SEMA6A: variants seen among roughly 807,000 people sequenced by gnomAD.
SEMA6A encodes semaphorin 6A.
A neutral mutation model predicts 96.8 loss-of-function variants in SEMA6A; 25 were observed. The ratio of observed to expected loss-of-function variants is 0.26; its 90% CI spans 0.19 to 0.36. SEMA6A has a LOEUF of 0.36. SEMA6A is among the 10% of genes least tolerant of loss of function. SEMA6A has a pLI of 1.00. For missense variants in SEMA6A, 1,363 were observed against 1,323.1 expected, an observed-to-expected ratio of 1.03 and a Z score of -0.47; for synonymous variants, 612 against 518.0, an observed-to-expected ratio of 1.18 and a Z score of -2.46.
intron 3 of SEMA6A, among the ~76,000 whole-genome samples, chr5:116,500,107 T>C (rs1383526185): frequency 6.6e-6 from 1 of 152,240 alleles, no homozygotes; most frequent in Non-Finnish European, 1.5e-5. Context: ...AAATGACATC[T>C]AAGAAGGAGC....
chr5:116,500,270 A>AG (rs1461386177), intron 3 of SEMA6A, among the ~76,000 whole-genome samples: 1 of 152,200 alleles, frequency 6.6e-6, no homozygotes, highest in Non-Finnish European at 1.5e-5. Context: ...AGCATAGTAC[A>AG]GGGAATGACA....
intron 1 of SEMA6A, among the ~76,000 whole-genome samples, chr5:116,538,188 A>G (rs1341401713): frequency 2.2e-5 from 3 of 137,434 alleles, no homozygotes; most frequent in Non-Finnish European, 3.0e-5. Context: ...ACAAAGCAAA[A>G]CAAAACAAAA....
At position 116,509,883 on chromosome 5, in the gene SEMA6A, A is replaced by G. The variant is rs146511068; in HGVS notation, c.-38-4901T>C. On this transcript the variant is annotated intron_variant, in intron 1 of 18. Coordinates refer to ENST00000343348, the MANE Select transcript of SEMA6A (RefSeq NM_020796.5). ...ACAGAGGGCAGGCAGAGAAAGTTCTATGCAGTGGGGCAAGTGACCTTTCCA... is the reference window on the plus strand; with the variant it reads ...ACAGAGGGCAGGCAGAGAAAGTTCTGTGCAGTGGGGCAAGTGACCTTTCCA... Among the ~76,000 whole-genome samples, 535 of 152,262 alleles carry G rather than the reference A, an allele frequency of 3.5e-3. 4 individuals are homozygous for G. Among genetic ancestry groups the G allele is most frequent in the African/African-American group, 0.012 (514 of 41,552 alleles).
At chr5:116,494,939 C>T (rs369052656) in intron 6 of SEMA6A, among the ~76,000 whole-genome samples, 1 of 122,870 alleles carries the variant, frequency 8.1e-6, no homozygotes, top group East Asian at 3.8e-4. Flanking sequence ...TAAGCAAGGC[C>T]GTGGTCAAGA....
intron 1 of SEMA6A, among the ~76,000 whole-genome samples, chr5:116,513,167 G>A (rs1056089713): frequency 2.0e-5 from 3 of 151,212 alleles, no homozygotes; most frequent in Non-Finnish European, 2.9e-5. Flanking sequence ...CGCTCTTGTT[G>A]TCCAGCCTGG....
At chr5:116,496,731 TTAAACA>T (rs1757620805) in intron 4 of SEMA6A, among the ~76,000 whole-genome samples, 1 of 152,252 alleles carries the variant, frequency 6.6e-6, no homozygotes, top group African/African-American at 2.4e-5. Context: ...AGTCATTTTC[TTAAACA>T]TAAAGAGGAC....
At chr5:116,478,318 A>T (rs1756569842) in intron 13 of SEMA6A, 164 bp from the exon 14 acceptor site, 1 of 793,932 alleles carries the variant, frequency 1.3e-6, no homozygotes, top group Non-Finnish European at 2.0e-6. Context: ...ACACATGTAT[A>T]TGTATCTATA....
At chr5:116,503,833 T>G (rs1023967761) in intron 2 of SEMA6A, among the ~76,000 whole-genome samples, 4 of 152,124 alleles carry the variant, frequency 2.6e-5, no homozygotes, top group African/African-American at 9.7e-5. Context: ...CCTTCTATAC[T>G]CGGGCATCCA....
At chr5:116,510,762 G>A (rs1175802076) in intron 1 of SEMA6A, among the ~76,000 whole-genome samples, 1 of 152,006 alleles carries the variant, frequency 6.6e-6, no homozygotes, top group Non-Finnish European at 1.5e-5. Flanking sequence ...TCTGGAGGTG[G>A]TCACTTGGAG....
chr5:116,466,891 G>T (rs926164208), intron 18 of SEMA6A, among the ~76,000 whole-genome samples: 2 of 152,128 alleles, frequency 1.3e-5, no homozygotes, highest in African/African-American at 4.8e-5. Flanking sequence ...GCAGCAAATG[G>T]CAAGAAAAGA....
At chr5:116,469,282 T>G (rs1755958365) in intron 17 of SEMA6A, 1 of 152,212 alleles carries the variant, frequency 6.6e-6, no homozygotes, top group South Asian at 2.1e-4. Context: ...CATTTAAAAT[T>G]CAAGGAATGC....
chr5:116,483,584 TAGG>T (rs1756899744), intron 10 of SEMA6A, among the ~76,000 whole-genome samples: 1 of 152,182 alleles, frequency 6.6e-6, no homozygotes, highest in Non-Finnish European at 1.5e-5. Flanking sequence ...CATAAATGAT[TAGG>T]AGAATTTATT....
chr5:116,524,263 A>G (rs562725832), intron 1 of SEMA6A, among the ~76,000 whole-genome samples: 12 of 152,210 alleles, frequency 7.9e-5, no homozygotes, highest in Non-Finnish European at 1.2e-4. Context: ...GCCTTATCAA[A>G]CCCACTTTTC....
At chr5:116,480,375 A>T in intron 11 of SEMA6A, 98 bp from the exon 12 acceptor site, 1 of 1,408,236 alleles carries the variant, frequency 7.1e-7, no homozygotes, top group Non-Finnish European at 9.8e-7. Flanking sequence ...GGAATGGAGG[A>T]GAATGTACTG....
At chr5:116,462,060 C>T (rs1002437561) in intron 18 of SEMA6A, among the ~76,000 whole-genome samples, 2 of 152,136 alleles carry the variant, frequency 1.3e-5, no homozygotes, top group Non-Finnish European at 2.9e-5. Flanking sequence ...ATAATTTTCT[C>T]TGTCCATAAA....
intron 1 of SEMA6A, among the ~76,000 whole-genome samples, chr5:116,567,840 C>A (rs1352657865): frequency 2.0e-5 from 3 of 152,164 alleles, no homozygotes; most frequent in African/African-American, 7.2e-5. Context: ...ACATATTAAT[C>A]GTTACACTGA....
At chr5:116,504,798 T>C (rs755955538) in intron 2 of SEMA6A, 47 bp downstream of exon 2, 3 of 1,429,968 alleles carry the variant, frequency 2.1e-6, no homozygotes, top group Non-Finnish European at 2.9e-6. Flanking sequence ...TGATTCAGGC[T>C]AAAATGTTCT....
Position 116,446,242 on chromosome 5 carries a change from T to G in SEMA6A, c.*371A>C. The G allele has an allele frequency of 2.8e-5, 5 of 180,752 alleles. No individual in the cohort carries two copies. The highest frequency in any genetic ancestry group is 2.1e-3 in the Middle Eastern group (1 of 474). The allele number at this position is 180,752 out of a possible 1,614,324, so 11.2% of individuals were successfully genotyped here. ...TTCAGTTTCTGTTCACCTCTGTGCGTGTGTGTGTATGTGTTGTGTGCATGT... is the reference window on the plus strand; with the variant it reads ...TTCAGTTTCTGTTCACCTCTGTGCGGGTGTGTGTATGTGTTGTGTGCATGT... On this transcript the variant is annotated 3_prime_UTR_variant, in exon 19 of 19. Coordinates refer to ENST00000343348, the MANE Select transcript of SEMA6A (RefSeq NM_020796.5).
chr5:116,543,705 C>T (rs141964534), intron 1 of SEMA6A, among the ~76,000 whole-genome samples: 120 of 152,322 alleles, frequency 7.9e-4, no homozygotes, highest in Admixed American at 1.4e-3. Flanking sequence ...AGAAATACCA[C>T]TTCCACATGC....
Sources: allele counts gnomAD v4.1 joint callset (sites outside exome capture counted in the v4.1 genomes callset), GRCh38; gene constraint gnomAD v4.1.1; transcripts MANE v1.5; gene names NCBI Gene and HGNC (gene_info 2026-07-23, HGNC 2026-07-21).